FTO: variants seen among roughly 807,000 people sequenced by gnomAD.
FTO encodes the protein alpha-ketoglutarate-dependent dioxygenase FTO.
A neutral mutation model predicts 63.9 loss-of-function variants in FTO; 47 were observed. The ratio of observed to expected loss-of-function variants is 0.74; its 90% confidence interval spans 0.58 to 0.94. The LOEUF (loss-of-function observed/expected upper bound fraction) is 0.94. FTO is among the 40% of genes least tolerant of loss of function. FTO has a pLI of 0.00. For synonymous variants in FTO, 207 were observed against 224.4 expected (o/e 0.92, Z 0.69); for missense variants, 562 against 618.1 (o/e 0.91, Z 0.96).
At position 54,114,821 on chromosome 16, in the gene FTO, CTTGGCCCGGGAGGCGGAGGT is replaced by C; in HGVS notation, c.*2908_*2927del. On this transcript the variant is annotated 3_prime_UTR_variant, in exon 9 of 9. Coordinates refer to ENST00000471389, the MANE Select transcript of FTO (RefSeq NM_001080432.3). Reference sequence around the variant, plus strand: ...TCGGGAGGCTGAGGCAGGCAAATCGCTTGGCCCGGGAGGCGGAGGTTGCAGTGAGCCGAGATCATGCCACT... The same window carrying C: ...TCGGGAGGCTGAGGCAGGCAAATCGCTGCAGTGAGCCGAGATCATGCCACT... 1 of 152,688 alleles carries C rather than the reference CTTGGCCCGGGAGGCGGAGGT, an allele frequency of 6.5e-6. No individual in the cohort carries two copies. Among genetic ancestry groups the C allele is most frequent in the Non-Finnish European group, 1.5e-5 (1 of 68,348 alleles). The allele number at this position is 152,688 out of a possible 1,614,324, so 9.5% of individuals were successfully genotyped here. A position where few individuals can be genotyped will look rare whatever the true frequency, so the allele number is the denominator to read the frequency against.
intron 8 of FTO, among the ~76,000 whole-genome samples, chr16:54,063,433 G>A (rs2085636851): frequency 6.6e-6 from 1 of 152,178 alleles, no homozygotes; most frequent in African/African-American, 2.4e-5. Flanking sequence ...TTTCCCACTT[G>A]GGCTTGAGAT....
intron 6 of FTO, among the ~76,000 whole-genome samples, chr16:53,881,626 A>C (rs1172378996): frequency 6.6e-6 from 1 of 152,234 alleles, no homozygotes; most frequent in Non-Finnish European, 1.5e-5. Context: ...GCAATTCTGC[A>C]GTCTGTGAGA....
intron 8 of FTO, chr16:54,072,546 T>C (rs1400165065): frequency 1.3e-5 from 2 of 152,302 alleles, no homozygotes; most frequent in East Asian, 3.8e-4. Flanking sequence ...TAACAGTATG[T>C]ACGGGGCTAC....
At chr16:53,904,811 G>A (rs72807788) in intron 7 of FTO, among the ~76,000 whole-genome samples, 1 of 151,834 alleles carries the variant, frequency 6.6e-6, no homozygotes, top group Non-Finnish European at 1.5e-5. Flanking sequence ...TGCTCGCCTC[G>A]TTCTTCCTCC....
intron 8 of FTO, among the ~76,000 whole-genome samples, chr16:54,082,184 T>G (rs746777034): frequency 9.2e-5 from 14 of 152,204 alleles, no homozygotes; most frequent in Non-Finnish European, 2.1e-4. Flanking sequence ...CTATTTAAAC[T>G]GTTGAAATGA....
intron 8 of FTO, among the ~76,000 whole-genome samples, chr16:53,943,517 A>G (rs997912683): frequency 6.6e-6 from 1 of 152,200 alleles, no homozygotes; most frequent in Non-Finnish European, 1.5e-5. Flanking sequence ...TTAAGTGTCT[A>G]TTGTTTTCTA....
At chr16:53,748,069 G>T (rs544648227) in intron 1 of FTO, among the ~76,000 whole-genome samples, 5 of 152,214 alleles carry the variant, frequency 3.3e-5, no homozygotes, top group Non-Finnish European at 7.4e-5. Context: ...TTGTAATATG[G>T]TTGGAAATAA....
At chr16:53,968,069 C>T (rs2083234980) in intron 8 of FTO, among the ~76,000 whole-genome samples, 1 of 152,082 alleles carries the variant, frequency 6.6e-6, no homozygotes, top group African/African-American at 2.4e-5. Flanking sequence ...AAAAGAAATT[C>T]ACCATATATA....
intron 7 of FTO, among the ~76,000 whole-genome samples, chr16:53,900,608 C>CT (rs752080961): frequency 0.18 from 11,921 of 67,112 alleles, 3,886 homozygotes; most frequent in East Asian, 0.24. Flanking sequence ...TCATCTGCTC[C>CT]TTTTTTTTTT....
chr16:53,939,712 C>T lies in FTO; in HGVS notation c.1364+5603C>T, dbSNP rs112591509. Among the ~76,000 whole-genome samples the T allele has an allele frequency of 5.6e-3, 846 of 152,294 alleles. 15 individuals are homozygous for T. The highest frequency in any genetic ancestry group is 0.019 in the African/African-American group (810 of 41,556). Reference sequence around the variant, plus strand: ...AACATTTCTTATAAATGAAATCATACAATACGTGACCTTTTATGTCTGGCT... The same window carrying T: ...AACATTTCTTATAAATGAAATCATATAATACGTGACCTTTTATGTCTGGCT... On this transcript the variant is annotated intron_variant, in intron 8 of 8. Coordinates refer to ENST00000471389, the MANE Select transcript of FTO (RefSeq NM_001080432.3).
At chr16:53,830,248 A>G (rs148280327) in intron 3 of FTO, among the ~76,000 whole-genome samples, 1,540 of 152,316 alleles carry the variant, frequency 0.01, 20 homozygotes, top group African/African-American at 0.034. Context: ...AAATGGTACA[A>G]TTTTTAATCA....
intron 8 of FTO, among the ~76,000 whole-genome samples, chr16:53,936,549 G>A: frequency 6.6e-6 from 1 of 152,176 alleles, no homozygotes; most frequent in East Asian, 1.9e-4. Flanking sequence ...GGTGGTGAAA[G>A]TTATAAAACA....
At chr16:53,804,632 CTTTTTTT>C (rs10602540) in intron 1 of FTO, among the ~76,000 whole-genome samples, 18 of 130,156 alleles carry the variant, frequency 1.4e-4, no homozygotes, top group Admixed American at 6.2e-4. Context: ...TCTTATTGAT[CTTTTTTT>C]TTTTTTTTTT....
intron 1 of FTO, among the ~76,000 whole-genome samples, chr16:53,765,993 A>G (rs9928094): frequency 0.42 from 63,373 of 151,870 alleles, 13,458 homozygotes; most frequent in Non-Finnish European, 0.44. Flanking sequence ...GCTCTGCGTG[A>G]GGAATATTGG....
chr16:53,863,620 C>T (rs2080233532), intron 4 of FTO, among the ~76,000 whole-genome samples: 1 of 152,170 alleles, frequency 6.6e-6, no homozygotes, highest in Non-Finnish European at 1.5e-5. Context: ...AGCAGCACAT[C>T]CAGGGGTCTG....
chr16:53,810,220 A>G lies in FTO; in HGVS notation c.123+3A>G, dbSNP rs775203421. The G allele has an allele frequency of 5.1e-6, 8 of 1,582,046 alleles. No individual in the cohort carries two copies. The stretch of plus-strand genomic sequence containing the variant: ...AAGATGATGAATTCTATCAGCAGGT[A>G]AGGTATTTTAATATTTTTATCAGTT... On this transcript the variant is annotated splice_donor_region_variant and intron_variant, in intron 2 of 8. Transcript: ENST00000471389.
At chr16:53,842,964 T>C (rs970302233) in intron 3 of FTO, among the ~76,000 whole-genome samples, 1 of 152,232 alleles carries the variant, frequency 6.6e-6, no homozygotes, top group Non-Finnish European at 1.5e-5. Flanking sequence ...TGTGAGCCAC[T>C]GCGCCCAGTC....
chr16:53,892,064 C>G (rs900235372), intron 7 of FTO, among the ~76,000 whole-genome samples: 21 of 152,196 alleles, frequency 1.4e-4, no homozygotes, highest in African/African-American at 4.1e-4. Context: ...TTTACAGTGA[C>G]TTTTTACAAA....
chr16:53,878,329 T>A (rs1598890028), intron 5 of FTO, among the ~76,000 whole-genome samples: 1 of 151,574 alleles, frequency 6.6e-6, no homozygotes, highest in African/African-American at 2.4e-5. Context: ...GTTGTAGAGG[T>A]TGCTGTGGGA....
Sources: gnomAD v4.1 joint callset for allele counts (sites outside exome capture counted in the v4.1 genomes callset) on GRCh38, gnomAD v4.1.1 for gene constraint, MANE v1.5 for transcripts, NCBI Gene and HGNC (gene_info 2026-07-23, HGNC 2026-07-21) for gene names.